The following ANK3 variants were observed in gnomAD, a reference collection of about 807,000 sequenced individuals.
ANK3 encodes ankyrin-3.
In ANK3, 57 loss-of-function variants were observed where a neutral mutation model predicts 370.9. The ratio of observed to expected loss-of-function variants is 0.15; its 90% CI spans 0.12 to 0.19. ANK3 has a LOEUF of 0.19. ANK3 is among the 10% of genes least tolerant of loss of function. ANK3 has a pLI of 1.00. For synonymous variants in ANK3, 1,929 were observed against 1,946.3 expected, an observed-to-expected ratio of 0.99 and a Z score of 0.23; for missense variants, 4,439 against 5,302.1, an observed-to-expected ratio of 0.84 and a Z score of 5.06.
intron 43 of ANK3, among the ~76,000 whole-genome samples, chr10:60,041,136 T>A (rs1470768348): frequency 6.6e-6 from 1 of 152,222 alleles, no homozygotes; most frequent in Non-Finnish European, 1.5e-5. Flanking sequence ...TCTGCAATAG[T>A]CTCTCAACAG....
At chr10:60,618,858 A>T (rs2078298490) in intron 1 of ANK3, among the ~76,000 whole-genome samples, 1 of 152,088 alleles carries the variant, frequency 6.6e-6, no homozygotes, top group Non-Finnish European at 1.5e-5. Context: ...TATTCACCTG[A>T]CCCTAAATAA....
intron 2 of ANK3, among the ~76,000 whole-genome samples, chr10:60,509,209 G>T (rs1187568491): frequency 1.3e-5 from 2 of 151,294 alleles, no homozygotes; most frequent in Admixed American, 1.3e-4. Context: ...TGAGACATAG[G>T]AAATATGCAA....
chr10:60,524,419 A>G (rs2076421302), intron 2 of ANK3, among the ~76,000 whole-genome samples: 1 of 152,072 alleles, frequency 6.6e-6, no homozygotes, highest in South Asian at 2.1e-4. Context: ...GGAGGGACCC[A>G]GTGGGAGATG....
chr10:60,340,407 G>GTTTT, intron 1 of ANK3, among the ~76,000 whole-genome samples: 1 of 151,770 alleles, frequency 6.6e-6, no homozygotes, highest in African/African-American at 2.4e-5. Context: ...GCTAATTTTT[G>GTTTT]TTTTTTTCTT....
intron 1 of ANK3, among the ~76,000 whole-genome samples, chr10:60,363,137 T>C (rs1235885837): frequency 6.6e-6 from 1 of 152,060 alleles, no homozygotes; most frequent in East Asian, 1.9e-4. Flanking sequence ...CAGCGGGATA[T>C]AAACCCAGGT....
At chr10:60,085,046 A>AT (rs2086308606) in intron 31 of ANK3, 111 bp downstream of exon 31, 38 of 922,586 alleles carry the variant, frequency 4.1e-5, no homozygotes, top group Middle Eastern at 2.8e-4. Context: ...AATACTACGG[A>AT]TTTTTTTTCT....
At chr10:60,148,793 A>T (rs915452774) in intron 23 of ANK3, among the ~76,000 whole-genome samples, 1 of 152,224 alleles carries the variant, frequency 6.6e-6, no homozygotes, top group African/African-American at 2.4e-5. Context: ...AGCCCTGGAA[A>T]ATCAGGCACA....
intron 1 of ANK3, among the ~76,000 whole-genome samples, chr10:60,726,023 A>G (rs2079935852): frequency 6.6e-6 from 1 of 152,176 alleles, no homozygotes; most frequent in African/African-American, 2.4e-5. Context: ...TTCACATCCA[A>G]GTTTTCCATG....
At chr10:60,121,344 G>T (rs367886340) in intron 25 of ANK3, among the ~76,000 whole-genome samples, 1 of 150,406 alleles carries the variant, frequency 6.6e-6, no homozygotes, top group South Asian at 2.1e-4. Context: ...GGGAGTGCAG[G>T]GGGTGGAGGG....
At chr10:60,589,038 G>C (rs757101237) in intron 2 of ANK3, among the ~76,000 whole-genome samples, 77 of 152,148 alleles carry the variant, frequency 5.1e-4, no homozygotes, top group African/African-American at 9.7e-5. Flanking sequence ...ATTGTAGCCT[G>C]ACTCAAACAA....
chr10:60,157,335 CTTT>C (rs777732848), intron 23 of ANK3, among the ~76,000 whole-genome samples: 7,416 of 121,082 alleles, frequency 0.061, 349 homozygotes, highest in East Asian at 0.25. Context: ...CTGTGCCCGG[CTTT>C]TTTTTTTTTT....
chr10:60,415,892 G>T (rs2063651420), intron 2 of ANK3, among the ~76,000 whole-genome samples: 1 of 130,404 alleles, frequency 7.7e-6, no homozygotes, highest in African/African-American at 2.9e-5. Flanking sequence ...TTATATTTTG[G>T]TTCATTGTAT....
chr10:60,476,200 G>A (rs895017979), intron 2 of ANK3, among the ~76,000 whole-genome samples: 1 of 152,134 alleles, frequency 6.6e-6, no homozygotes, highest in Non-Finnish European at 1.5e-5. Flanking sequence ...TGGAGGAAAA[G>A]AGAACAATGA....
chr10:60,503,401 G>T (rs2075856234), intron 2 of ANK3, among the ~76,000 whole-genome samples: 2 of 152,130 alleles, frequency 1.3e-5, no homozygotes, highest in African/African-American at 4.8e-5. Flanking sequence ...TATATGGATT[G>T]TCTCACTAAA....
chr10:60,206,193 C>T (rs1322733216), intron 10 of ANK3, among the ~76,000 whole-genome samples: 1 of 152,150 alleles, frequency 6.6e-6, no homozygotes, highest in African/African-American at 2.4e-5. Context: ...ATGTCTCAGG[C>T]TGGGTGTGGT....
In ANK3 at chr10:60,070,915, A is replaced by G; in HGVS notation, c.9966T>C (p.Ser3322=). 1 of 1,614,078 alleles carries G rather than the reference A, an allele frequency of 6.2e-7. No individual in the cohort carries two copies. The highest frequency in any genetic ancestry group is 8.5e-7 in the Non-Finnish European group (1 of 1,179,990). The change falls in exon 37 of 44, where the codon TCT becomes TCC. Residue 3322 remains serine (S), a synonymous_variant. Transcript: ENST00000280772. The surrounding 1 kb of genome is among the most constrained non-coding windows in gnomAD (Gnocchi z 5.7). ...TTTTAACTGGGACTGGCTGATAAAT[A>G]GATTCGTCATCGCTTGAATCACTGA... is the stretch of plus-strand genomic sequence containing the variant. The part of the protein sequence containing the change: ...ADVSDSSDDE[S]IYQPVPVKKY...
intron 1 of ANK3, among the ~76,000 whole-genome samples, chr10:60,643,500 A>ATCTATCTATCTATCTATC (rs2078663991): frequency 3.4e-5 from 5 of 146,716 alleles, no homozygotes; most frequent in African/African-American, 1.2e-4. Context: ...ACTCCCCTTT[A>ATCTATCTATCTATCTATC]TATCTATCTA....
At position 60,130,803 on chromosome 10, in the gene ANK3, TAGAC is replaced by T. The variant is rs374473860; in HGVS notation, c.2841+3464_2841+3467del. Among the ~76,000 whole-genome samples, 903 of 152,330 alleles carry T rather than the reference TAGAC, an allele frequency of 5.9e-3. 7 individuals are homozygous for T. The highest frequency in any genetic ancestry group is 0.02 in the African/African-American group (848 of 41,572). ...CTATAATTTTATTTATCTATAATAA[TAGAC>T]AGAGATGCATTAGCTTTTTTTAGTC... is the stretch of plus-strand genomic sequence containing the variant. On this transcript the variant is annotated intron_variant, in intron 25 of 43. Transcript: ENST00000280772.
chr10:60,386,717 C>T (rs1488502076), intron 1 of ANK3, among the ~76,000 whole-genome samples: 1 of 152,154 alleles, frequency 6.6e-6, no homozygotes, highest in Non-Finnish European at 1.5e-5. Flanking sequence ...GATTCTGTGT[C>T]ATCACACCTA....
Sources: gnomAD v4.1 joint callset for allele counts (sites outside exome capture counted in the v4.1 genomes callset) on GRCh38, gnomAD v4.1.1 for gene constraint, Gnocchi (gnomAD v3.1) non-coding constraint, MANE v1.5 for transcripts, NCBI Gene and HGNC (gene_info 2026-07-23, HGNC 2026-07-21) for gene names.